The following CCDC178 variants were observed in gnomAD, a reference collection of about 807,000 sequenced individuals.
CCDC178 encodes coiled-coil domain-containing protein 178.
A neutral mutation model predicts 117.4 loss-of-function variants in CCDC178; 126 were observed. That is an observed-to-expected ratio of 1.07 (90% CI 0.93 to 1.24). The LOEUF (loss-of-function observed/expected upper bound fraction) is 1.24, where lower values mean the gene tolerates loss of function less well. Ranked by LOEUF, CCDC178 falls within the 50% of genes most tolerant of loss-of-function variation. CCDC178 has a pLI of 0.00. For synonymous variants in CCDC178, 283 were observed against 313.4 expected, an observed-to-expected ratio of 0.90 and a Z score of 1.02; for missense variants, 1,030 against 986.9, an observed-to-expected ratio of 1.04 and a Z score of -0.59.
chr18:33,333,457 A>T (rs1465580442), intron 9 of CCDC178, 63 bp from the exon 10 acceptor site: 4 of 667,596 alleles, frequency 6.0e-6, no homozygotes, highest in Admixed American at 6.3e-5. Flanking sequence ...ATAATACATA[A>T]ATATAAAACA....
intron 21 of CCDC178, among the ~76,000 whole-genome samples, chr18:33,060,451 AGTTTTCTCAAATAT>A (rs2056904293): frequency 6.6e-6 from 1 of 152,132 alleles, no homozygotes; most frequent in African/African-American, 2.4e-5. Context: ...GCAGATGCCC[AGTTTTCTCAAATAT>A]GATTGTCAAA....
intron 13 of CCDC178, 26 bp from the exon 14 acceptor site, chr18:33,267,078 T>C: frequency 6.4e-7 from 1 of 1,565,474 alleles, no homozygotes; most frequent in Non-Finnish European, 8.6e-7. Flanking sequence ...AAAAGAATCA[T>C]TCATACATGT....
intron 11 of CCDC178, among the ~76,000 whole-genome samples, chr18:33,301,674 T>C (rs773616451): frequency 1.3e-5 from 2 of 152,238 alleles, no homozygotes; most frequent in African/African-American, 4.8e-5. Context: ...GTGACTGCCC[T>C]GTTGGATTTC....
At chr18:33,384,772 C>G (rs371243864) in intron 5 of CCDC178, among the ~76,000 whole-genome samples, 66 of 152,240 alleles carry the variant, frequency 4.3e-4, no homozygotes, top group South Asian at 1.7e-3. Flanking sequence ...CTGAAGTACA[C>G]AGACCAACAA....
chr18:33,163,051 G>A (rs1461861351), intron 20 of CCDC178, among the ~76,000 whole-genome samples: 6 of 151,880 alleles, frequency 4.0e-5, no homozygotes, highest in Non-Finnish European at 7.4e-5. Flanking sequence ...TCCCACCAGC[G>A]GTGTATAAAC....
chr18:33,010,777 T>C (rs1452796162), intron 21 of CCDC178, among the ~76,000 whole-genome samples: 6 of 152,202 alleles, frequency 3.9e-5, no homozygotes, highest in African/African-American at 1.4e-4. Context: ...GGCTTAAGCC[T>C]AAATTAAATC....
chr18:32,952,959 A>C (rs2054520995), intron 22 of CCDC178, among the ~76,000 whole-genome samples: 1 of 151,630 alleles, frequency 6.6e-6, no homozygotes, highest in African/African-American at 2.4e-5. Flanking sequence ...TTTTTAGTAG[A>C]GATGGGGTTT....
At chr18:33,042,535 T>C (rs2056567916) in intron 21 of CCDC178, among the ~76,000 whole-genome samples, 1 of 151,948 alleles carries the variant, frequency 6.6e-6, no homozygotes, top group Non-Finnish European at 1.5e-5. Context: ...ATGCAATATA[T>C]GTATCTTTAT....
chr18:33,147,966 C>T (rs912769875), intron 20 of CCDC178, among the ~76,000 whole-genome samples: 7 of 152,048 alleles, frequency 4.6e-5, no homozygotes, highest in Middle Eastern at 3.4e-3. Flanking sequence ...CCCCACCTCC[C>T]GGACGGGGCG....
chr18:33,400,713 T>G (rs2063698095), intron 3 of CCDC178, among the ~76,000 whole-genome samples: 1 of 152,186 alleles, frequency 6.6e-6, no homozygotes, highest in African/African-American at 2.4e-5. Context: ...ACTAAAACTT[T>G]CTTCGTATCA....
At chr18:33,395,367 T>C (rs774849336) in intron 4 of CCDC178, among the ~76,000 whole-genome samples, 5 of 151,956 alleles carry the variant, frequency 3.3e-5, no homozygotes, top group Non-Finnish European at 5.9e-5. Context: ...CCCAACTAAA[T>C]TGTAAAACTC....
intron 22 of CCDC178, among the ~76,000 whole-genome samples, chr18:32,956,033 T>C (rs1179116601): frequency 6.6e-6 from 1 of 152,112 alleles, no homozygotes; most frequent in Non-Finnish European, 1.5e-5. Flanking sequence ...TAACTAACAC[T>C]ACACATTTTT....
At chr18:33,034,194 C>T (rs965711456) in intron 21 of CCDC178, among the ~76,000 whole-genome samples, 1 of 151,914 alleles carries the variant, frequency 6.6e-6, no homozygotes, top group African/African-American at 2.4e-5. Context: ...CATTTCCTTC[C>T]TTCCCATAGC....
intron 3 of CCDC178, among the ~76,000 whole-genome samples, chr18:33,406,091 T>C (rs1453530594): frequency 1.3e-5 from 2 of 152,104 alleles, no homozygotes; most frequent in East Asian, 1.9e-4. Flanking sequence ...AGAAGTAAGA[T>C]ATTAGTATCA....
At chr18:33,300,948 G>T (rs2062169439) in intron 11 of CCDC178, among the ~76,000 whole-genome samples, 1 of 152,212 alleles carries the variant, frequency 6.6e-6, no homozygotes, top group Admixed American at 6.5e-5. Flanking sequence ...CTAAAAGAGA[G>T]CAAAGTGCTA....
intron 21 of CCDC178, among the ~76,000 whole-genome samples, chr18:33,039,836 C>T (rs2056514242): frequency 6.6e-6 from 1 of 151,752 alleles, no homozygotes; most frequent in South Asian, 2.1e-4. Flanking sequence ...TCTCTTTAGC[C>T]TCAGAAAAGG....
chr18:33,349,942 G>T (rs1309264051), intron 7 of CCDC178, among the ~76,000 whole-genome samples: 1 of 151,642 alleles, frequency 6.6e-6, no homozygotes, highest in African/African-American at 2.4e-5. Context: ...TATTTCTAAT[G>T]GCTACAAATT....
chr18:33,320,855 G>C (rs535098094), intron 11 of CCDC178, among the ~76,000 whole-genome samples: 51 of 152,300 alleles, frequency 3.3e-4, no homozygotes, highest in African/African-American at 1.2e-3. Flanking sequence ...CAAGGCTATA[G>C]TAACCAAAAC....
At chr18:33,003,658 A>G (rs2055689258) in intron 21 of CCDC178, among the ~76,000 whole-genome samples, 1 of 152,152 alleles carries the variant, frequency 6.6e-6, no homozygotes, top group African/African-American at 2.4e-5. Context: ...TAGTTATTCA[A>G]CATAGCACTG....
Sources: gnomAD v4.1 joint callset for allele counts (sites outside exome capture counted in the v4.1 genomes callset) on GRCh38, gnomAD v4.1.1 for gene constraint, MANE v1.5 for transcripts, NCBI Gene and HGNC (gene_info 2026-07-23, HGNC 2026-07-21) for gene names.